The following RBFOX2 variants were observed in gnomAD, a reference collection of about 807,000 sequenced individuals.
RBFOX2 encodes RNA binding protein fox-1 homolog 2.
A neutral mutation model predicts 49.1 loss-of-function variants in RBFOX2; 10 were observed. The ratio of observed to expected loss-of-function variants is 0.20; its 90% CI spans 0.13 to 0.35. The LOEUF is 0.35. Ranked by LOEUF, RBFOX2 falls within the 10% of genes least tolerant of loss-of-function variation. RBFOX2 has a pLI of 1.00. For missense variants in RBFOX2, 323 were observed against 486.9 expected (o/e 0.66, Z 3.17); for synonymous variants, 183 against 187.4 (o/e 0.98, Z 0.19).
chr22:35,833,510 ATC>A lies in RBFOX2; in HGVS notation c.27+6680_27+6681del, dbSNP rs142241379. ...TAAATAGATCTCCAGTTTGAAACCT[ATC>A]TCTCTCTGTTTCCAGGCTGCCTGAT... is the stretch of plus-strand genomic sequence containing the variant. On this transcript the variant is annotated intron_variant, in intron 1 of 11. Coordinates refer to ENST00000405409, the Ensembl canonical transcript of RBFOX2. Among the ~76,000 whole-genome samples, 1,047 of 152,264 alleles carry A rather than the reference ATC, an allele frequency of 6.9e-3. 7 individuals carry two copies. Among genetic ancestry groups the A allele is most frequent in the Middle Eastern group, 0.014 (4 of 294 alleles).
At chr22:35,961,737 C>G (rs987450976), upstream of RBFOX2, 7 of 1,250,004 alleles carry the variant, frequency 5.6e-6, no homozygotes, top group Admixed American at 1.8e-4. Context: ...AAAGGTTTTC[C>G]GTTCTCCCCA....
At chr22:35,927,765 C>G (rs899251219) in intron 1 of RBFOX2, among the ~76,000 whole-genome samples, 2 of 152,116 alleles carry the variant, frequency 1.3e-5, no homozygotes, top group African/African-American at 4.8e-5. Flanking sequence ...ATGACTCCCT[C>G]TTATACGCAT....
chr22:35,843,566 A>T (rs2040789388), upstream of RBFOX2, among the ~76,000 whole-genome samples: 1 of 152,116 alleles, frequency 6.6e-6, no homozygotes, highest in East Asian at 1.9e-4. Context: ...TGGACATTTT[A>T]TGTCTTCTTT....
intron 1 of RBFOX2, among the ~76,000 whole-genome samples, chr22:35,832,665 T>C (rs182490824): frequency 6.6e-6 from 1 of 152,032 alleles, no homozygotes; most frequent in African/African-American, 2.4e-5. Flanking sequence ...AAACCCTGTC[T>C]CTACTAAAAT....
intron 1 of RBFOX2, among the ~76,000 whole-genome samples, chr22:35,861,690 T>C (rs1162708767): frequency 6.6e-6 from 1 of 152,194 alleles, no homozygotes; most frequent in Non-Finnish European, 1.5e-5. Context: ...GCTGGTGGAA[T>C]GTAAAATGGT....
At chr22:35,875,366 T>C (rs1483893380) in intron 1 of RBFOX2, among the ~76,000 whole-genome samples, 1 of 152,180 alleles carries the variant, frequency 6.6e-6, no homozygotes, top group Non-Finnish European at 1.5e-5. Flanking sequence ...TCACTCCCTC[T>C]TTACTTTTCT....
chr22:35,872,497 G>A (rs1002185445), intron 1 of RBFOX2, among the ~76,000 whole-genome samples: 6 of 152,178 alleles, frequency 3.9e-5, no homozygotes, highest in Admixed American at 1.3e-4. Context: ...CGTGGACTTG[G>A]ACAATGAGTG....
chr22:35,839,054 G>A (rs2148823577), intron 1 of RBFOX2, among the ~76,000 whole-genome samples: 1 of 152,232 alleles, frequency 6.6e-6, no homozygotes, highest in African/African-American at 2.4e-5. Context: ...CACAAAAAAA[G>A]GGCAACCTCC....
At chr22:35,959,404 T>C (rs1263100354) in intron 1 of RBFOX2, among the ~76,000 whole-genome samples, 1 of 152,236 alleles carries the variant, frequency 6.6e-6, no homozygotes, top group East Asian at 1.9e-4. Flanking sequence ...AGTGTATGAT[T>C]ATCTATACAC....
chr22:35,744,318 G>T (rs1931431739), intron 11 of RBFOX2, 69 bp from the exon 14 acceptor site: 2 of 1,395,984 alleles, frequency 1.4e-6, no homozygotes, highest in South Asian at 1.3e-5. Context: ...GAAGAAAAAT[G>T]TCCAGAGAGG....
chr22:35,917,804 C>T (rs994530552), intron 1 of RBFOX2, among the ~76,000 whole-genome samples: 3 of 152,164 alleles, frequency 2.0e-5, no homozygotes, highest in African/African-American at 7.2e-5. Flanking sequence ...CTCTCAAATA[C>T]ACCTTAAAGC....
exon 12 of RBFOX2, chr22:35,742,161 G>A (rs1930283180): frequency 1.3e-5 from 2 of 152,144 alleles, no homozygotes; most frequent in African/African-American, 2.4e-5. Context: ...GGCTTGGGGT[G>A]GGGGGACCCT....
chr22:35,910,391 TATACTC>T (rs1345530484), intron 1 of RBFOX2, among the ~76,000 whole-genome samples: 1 of 152,188 alleles, frequency 6.6e-6, no homozygotes, highest in Non-Finnish European at 1.5e-5. Context: ...AAATTTCACA[TATACTC>T]ATAGGAAGAA....
chr22:36,018,811 A>G (rs572708927), intron 1 of RBFOX2, among the ~76,000 whole-genome samples: 3 of 152,228 alleles, frequency 2.0e-5, no homozygotes, highest in East Asian at 1.9e-4. Flanking sequence ...ACAGGGTTTC[A>G]TCATGTTGGC....
At chr22:36,024,051 C>T (rs2059339481) in intron 1 of RBFOX2, among the ~76,000 whole-genome samples, 1 of 152,088 alleles carries the variant, frequency 6.6e-6, no homozygotes, top group Non-Finnish European at 1.5e-5. Flanking sequence ...TGGGAATGAC[C>T]CCAGTAAATG....
chr22:35,921,949 C>T (rs2051075176), intron 1 of RBFOX2, among the ~76,000 whole-genome samples: 1 of 152,132 alleles, frequency 6.6e-6, no homozygotes, highest in Non-Finnish European at 1.5e-5. Context: ...CTTTTCTCCT[C>T]CCACCCTAGG....
At chr22:35,912,717 G>A (rs952203755) in intron 1 of RBFOX2, among the ~76,000 whole-genome samples, 1 of 152,082 alleles carries the variant, frequency 6.6e-6, no homozygotes, top group Non-Finnish European at 1.5e-5. Flanking sequence ...TTTAAAAGAA[G>A]ATATATGGGT....
intron 1 of RBFOX2, among the ~76,000 whole-genome samples, chr22:35,959,137 C>T (rs1056992414): frequency 1.3e-5 from 2 of 151,982 alleles, no homozygotes; most frequent in Non-Finnish European, 2.9e-5. Context: ...AGGTTGAAGG[C>T]AAGGGAAAAG....
chr22:35,756,092 T>C lies in RBFOX2; in HGVS notation c.887+3796A>G. On this transcript the variant is annotated intron_variant, in intron 9 of 11. Transcript: ENST00000405409. Reference sequence around the variant, plus strand: ...GGGGATGGGGTCGAGAAGGCCCCAGTGTGTGTACTTACATAGAGGTCAGCA... The same window carrying C: ...GGGGATGGGGTCGAGAAGGCCCCAGCGTGTGTACTTACATAGAGGTCAGCA... 3 of 1,427,256 alleles carry C rather than the reference T, an allele frequency of 2.1e-6. No individual in the cohort carries two copies. The highest frequency in any genetic ancestry group is 3.3e-5 in the South Asian group (2 of 61,210). The allele number at this position is 1,427,256 out of a possible 1,614,324, so 88.4% of individuals were successfully genotyped here. A position where few individuals can be genotyped will look rare whatever the true frequency, so the allele number is the denominator to read the frequency against.
Sources: gnomAD v4.1 joint callset for allele counts (sites outside exome capture counted in the v4.1 genomes callset) on GRCh38, gnomAD v4.1.1 for gene constraint, MANE v1.5 for transcripts, NCBI Gene and HGNC (gene_info 2026-07-23, HGNC 2026-07-21) for gene names.